The following LTBP2 variants were observed in gnomAD, a reference collection of about 807,000 sequenced individuals.
LTBP2 encodes latent transforming growth factor beta binding protein 2, also known as latent-transforming growth factor beta-binding protein 2.
A neutral mutation model predicts 210.6 loss-of-function variants in LTBP2; 103 were observed. The observed-to-expected ratio is 0.49, with a 90% CI of 0.42 to 0.58. The LOEUF is 0.58. Among genes scored for constraint, LTBP2 ranks in the 20% least tolerant of loss-of-function variants. LTBP2 has a pLI of 0.00. For synonymous variants in LTBP2, 1,007 were observed against 1,015.0 expected (o/e 0.99, Z 0.15); for missense variants, 2,313 against 2,494.5 (o/e 0.93, Z 1.55).
At chr14:74,584,196 C>T (rs2088174413) in intron 3 of LTBP2, among the ~76,000 whole-genome samples, 1 of 152,028 alleles carries the variant, frequency 6.6e-6, no homozygotes, top group African/African-American at 2.4e-5. Flanking sequence ...GCTGCAGGGG[C>T]CAGAGAGCCT....
In LTBP2 at chr14:74,508,962, C is replaced by T. The variant is rs2087030705; in HGVS notation, c.3404-10G>A. On this transcript the variant is annotated splice_polypyrimidine_tract_variant and intron_variant, in intron 22 of 35. Transcript: ENST00000261978. Reference sequence around the variant, plus strand: ...TCACATTCATCCACATCTGCAGGGCCACACAGGGGAGGAAGACAGCCGATG... The same window carrying T: ...TCACATTCATCCACATCTGCAGGGCTACACAGGGGAGGAAGACAGCCGATG... The T allele has an allele frequency of 1.2e-6, 2 of 1,613,044 alleles. No individual in the cohort carries two copies. Among genetic ancestry groups the T allele is most frequent in the Non-Finnish European group, 1.7e-6 (2 of 1,179,838 alleles).
At chr14:74,545,049 G>A (rs1317459637) in intron 8 of LTBP2, among the ~76,000 whole-genome samples, 1 of 152,166 alleles carries the variant, frequency 6.6e-6, no homozygotes, top group Non-Finnish European at 1.5e-5. Flanking sequence ...GACGGATATA[G>A]CACAAGTAAC....
chr14:74,532,407 C>G lies in LTBP2; in HGVS notation c.1987+19G>C. The G allele has an allele frequency of 6.2e-7, 1 of 1,613,620 alleles. No individual in the cohort carries two copies. Among genetic ancestry groups the G allele is most frequent in the Non-Finnish European group, 8.5e-7 (1 of 1,179,942 alleles). ...TGTCTCCCACTGTCCACCCCCACCC[C>G]ATCCCTGCCAGCACTCACACACACA... On this transcript the variant is annotated intron_variant, in intron 10 of 35. Transcript: ENST00000261978.
intron 34 of LTBP2, 107 bp from the exon 35 acceptor site, chr14:74,501,697 T>G (rs2086913343): frequency 1.5e-6 from 2 of 1,374,982 alleles, no homozygotes; most frequent in Non-Finnish European, 1.0e-6. Flanking sequence ...TGTGGAACTG[T>G]GGGGGTGGGG....
intron 17 of LTBP2, among the ~76,000 whole-genome samples, chr14:74,518,545 T>C (rs1458814801): frequency 6.6e-6 from 1 of 152,188 alleles, no homozygotes; most frequent in East Asian, 1.9e-4. Flanking sequence ...CAGCTTTCAG[T>C]GTACCTGTTC....
chr14:74,537,257 A>T (rs906299878), intron 8 of LTBP2, among the ~76,000 whole-genome samples: 4 of 152,178 alleles, frequency 2.6e-5, no homozygotes, highest in Non-Finnish European at 4.4e-5. Flanking sequence ...CCTCTTGAAA[A>T]GCTCTAGCAG....
chr14:74,512,632 C>G (rs2087086180), intron 18 of LTBP2, among the ~76,000 whole-genome samples: 1 of 152,214 alleles, frequency 6.6e-6, no homozygotes, highest in African/African-American at 2.4e-5. Context: ...GGGACCCTCT[C>G]AAGCCTAAAG....
chr14:74,584,744 GA>G (rs2088180429), intron 3 of LTBP2, among the ~76,000 whole-genome samples: 1 of 152,044 alleles, frequency 6.6e-6, no homozygotes, highest in South Asian at 2.1e-4. Context: ...GCTGCCCTTG[GA>G]AAACATCTGC....
chr14:74,581,370 T>C (rs1448221612), intron 3 of LTBP2, among the ~76,000 whole-genome samples: 1 of 152,158 alleles, frequency 6.6e-6, no homozygotes, highest in Non-Finnish European at 1.5e-5. Flanking sequence ...GAGATGGTCC[T>C]GGATTATCTT....
Position 74,503,968 on chromosome 14 carries a change from T to C in LTBP2, c.4540A>G (p.Asn1514Asp), listed in dbSNP as rs1174254286. Residue 1514 changes from asparagine to aspartate, a missense_variant, in exon 31 of 36, where the codon AAT becomes GAT. Coordinates refer to ENST00000261978, the MANE Select transcript of LTBP2 (RefSeq NM_000428.3). The stretch of plus-strand genomic sequence containing the variant: ...GAAGCATCGTAGTGGAAGCCGGGAT[T>C]GCACAGGCAGACATAACCAGGCACG... ...NTVPGYVCLC[N>D]PGFHYDASHK... 4 of 1,614,040 alleles carry C rather than the reference T, an allele frequency of 2.5e-6. No homozygotes were observed. The Admixed American group carries it at 6.7e-5, about 27-fold the overall frequency.
intron 2 of LTBP2, among the ~76,000 whole-genome samples, chr14:74,598,628 G>A (rs2088403620): frequency 6.6e-6 from 1 of 152,160 alleles, no homozygotes. Context: ...CTAAGTGACG[G>A]TGTTTGTTCC....
Position 74,567,436 on chromosome 14 carries a change from C to A in LTBP2, c.831-11743G>T, listed in dbSNP as rs567439681. Among the ~76,000 whole-genome samples, 5 of 152,326 alleles carry A rather than the reference C, an allele frequency of 3.3e-5. No individual in the cohort carries two copies. In the East Asian group the frequency reaches 9.7e-4, roughly 29 times the overall value. ...CAGAGCGAGCTGCCTGGGCACTGGG[C>A]TCACACCCGGGCCACCTCAGGGGCA... On this transcript the variant is annotated intron_variant, in intron 3 of 35. Transcript: ENST00000261978.
chr14:74,507,293 C>T lies in LTBP2; in HGVS notation c.3793G>A (p.Asp1265Asn), dbSNP rs200540228. The change falls in exon 26 of 36, where the codon GAC (aspartate) becomes AAC (asparagine). Residue 1265 changes from aspartate to asparagine, a missense_variant. Around this residue, in one of 3 missense-constraint regions of LTBP2, gnomAD observed 1,867 missense variants for 1,976.9 expected, o/e 0.94. Transcript: ENST00000261978. ...GTGCCACACACCGGGTCTCCATAGT[C>T]CTCACACTCGTCAATATCTGTCCCC... ...GECVDIDECE[D>N]YGDPVCGTWK... 7 of 1,614,122 alleles carry T rather than the reference C, an allele frequency of 4.3e-6. No individual in the cohort carries two copies. The East Asian group carries it at 1.3e-4, about 31-fold the overall frequency.
intron 3 of LTBP2, among the ~76,000 whole-genome samples, chr14:74,572,764 C>A (rs1042386364): frequency 1.3e-5 from 2 of 152,136 alleles, no homozygotes; most frequent in African/African-American, 2.4e-5. Flanking sequence ...CGCATACACA[C>A]ACATACCCCC....
intron 3 of LTBP2, among the ~76,000 whole-genome samples, chr14:74,571,590 C>T (rs1036214770): frequency 6.6e-6 from 1 of 152,226 alleles, no homozygotes; most frequent in South Asian, 2.1e-4. Flanking sequence ...CACGCTACTG[C>T]ATTTTGTGGA....
chr14:74,587,715 C>A (rs575462414), intron 2 of LTBP2, among the ~76,000 whole-genome samples: 1 of 152,120 alleles, frequency 6.6e-6, no homozygotes, highest in South Asian at 2.1e-4. Flanking sequence ...GTGAAACTAC[C>A]AGGCACAGCT....
rs1483904765 is a variant in LTBP2, at chr14:74,564,345, T to TTA, written c.831-8654_831-8653dup. 4.2e-3 allele frequency among the ~76,000 whole-genome samples: 23 copies of TTA among 5,490 alleles called. 1 individual carries two copies. The highest frequency in any genetic ancestry group is 4.6e-3 in the Non-Finnish European group (17 of 3,710). 3.6% of individuals were successfully genotyped at this position (5,490 alleles called of 152,430 possible). ...TATATATATATTTATATATATATAT[T>TTA]TATATATATTTATATATATATTTAT... On this transcript the variant is annotated intron_variant, in intron 3 of 35. Coordinates refer to ENST00000261978, the MANE Select transcript of LTBP2 (RefSeq NM_000428.3).
At chr14:74,605,003 C>G (rs1339576453) in intron 1 of LTBP2, among the ~76,000 whole-genome samples, 1 of 152,220 alleles carries the variant, frequency 6.6e-6, no homozygotes, top group Non-Finnish European at 1.5e-5. Context: ...CTGGAGATCT[C>G]TAGGGACTGA....
In LTBP2 at chr14:74,511,340, C is replaced by T; in HGVS notation, c.2933G>A (p.Gly978Asp). The T allele has an allele frequency of 6.2e-7, 1 of 1,614,104 alleles. No individual in the cohort carries two copies. Among genetic ancestry groups the T allele is most frequent in the Non-Finnish European group, 8.5e-7 (1 of 1,180,004 alleles). The change falls in exon 19 of 36, where the codon GGT (glycine) becomes GAT (aspartate). Residue 978 changes from glycine to aspartate, a missense_variant. Gly to Asp is a moderately conservative substitution (Grantham distance 94). This residue lies in a region of LTBP2 where 1,867 missense variants were observed against 1,976.9 expected (regional missense o/e 0.94). Transcript: ENST00000261978. ...CQDINECRHP[G>D]TCPDGRCVNS... ...GACGCATCTCCCATCAGGGCAGGTACCGGGGTGACGGCATTCGTTGATATC... is the reference window on the plus strand; with the variant it reads ...GACGCATCTCCCATCAGGGCAGGTATCGGGGTGACGGCATTCGTTGATATC...
Sources: gnomAD v4.1 joint callset for allele counts (sites outside exome capture counted in the v4.1 genomes callset) on GRCh38, gnomAD v4.1.1 for gene constraint, gnomAD v4.1.1 regional missense constraint, MANE v1.5 for transcripts, NCBI Gene and HGNC (gene_info 2026-07-23, HGNC 2026-07-21) for gene names.